DOCK4: variants seen among roughly 807,000 people sequenced by gnomAD.
DOCK4 encodes the protein dedicator of cytokinesis 4.
In DOCK4, 97 loss-of-function variants were observed where a neutral mutation model predicts 268.1. The observed-to-expected ratio is 0.36, with a 90% CI of 0.31 to 0.43. The LOEUF (loss-of-function observed/expected upper bound fraction) is 0.43. Ranked by LOEUF, DOCK4 falls within the 20% of genes least tolerant of loss-of-function variation. The pLI, the probability that DOCK4 is intolerant of heterozygous loss-of-function variation, is 1.00. For missense variants in DOCK4, 2,145 were observed against 2,455.7 expected (o/e 0.87, Z 2.67); for synonymous variants, 954 against 887.2 (o/e 1.08, Z -1.34).
At chr7:111,955,228 T>C (rs1471753546) in intron 8 of DOCK4, among the ~76,000 whole-genome samples, 1 of 152,240 alleles carries the variant, frequency 6.6e-6, no homozygotes, top group African/African-American at 2.4e-5. Flanking sequence ...ATTAATGTGC[T>C]TTCTAATTTT....
intron 26 of DOCK4, among the ~76,000 whole-genome samples, chr7:111,827,290 T>C (rs1408345260): frequency 6.6e-6 from 1 of 152,226 alleles, no homozygotes; most frequent in Admixed American, 6.5e-5. Context: ...TAACCATTTT[T>C]CTGTAATCAA....
At chr7:111,988,426 T>C (rs530682153) in intron 6 of DOCK4, among the ~76,000 whole-genome samples, 2 of 152,330 alleles carry the variant, frequency 1.3e-5, no homozygotes, top group Middle Eastern at 3.4e-3. Flanking sequence ...GCTGGTATTT[T>C]AAATTAGTCA....
intron 1 of DOCK4, among the ~76,000 whole-genome samples, chr7:112,153,678 C>T (rs779085977): frequency 9.2e-5 from 14 of 152,090 alleles, no homozygotes; most frequent in Non-Finnish European, 1.3e-4. Context: ...GGAACCAACC[C>T]ATTATTTATA....
intron 1 of DOCK4, among the ~76,000 whole-genome samples, chr7:112,058,515 G>A (rs913569090): frequency 1.3e-5 from 2 of 152,114 alleles, no homozygotes; most frequent in African/African-American, 4.8e-5. Context: ...TCTTCTGAAT[G>A]GGGCTTCCAT....
At chr7:111,826,476 T>C (rs572832711) in intron 26 of DOCK4, among the ~76,000 whole-genome samples, 1 of 152,206 alleles carries the variant, frequency 6.6e-6, no homozygotes, top group African/African-American at 2.4e-5. Context: ...TATGATACTA[T>C]GATATTAAGA....
intron 16 of DOCK4, among the ~76,000 whole-genome samples, chr7:111,891,100 C>T (rs979137742): frequency 2.0e-5 from 3 of 151,978 alleles, no homozygotes; most frequent in Non-Finnish European, 4.4e-5. Flanking sequence ...GAAGAATGGT[C>T]TTCACTTACA....
At chr7:112,135,027 A>T (rs1055086355) in intron 1 of DOCK4, among the ~76,000 whole-genome samples, 4 of 152,292 alleles carry the variant, frequency 2.6e-5, no homozygotes, top group Non-Finnish European at 5.9e-5. Context: ...ATACACCAAA[A>T]AAAACCCCAC....
intron 22 of DOCK4, among the ~76,000 whole-genome samples, chr7:111,864,012 G>C (rs1805768542): frequency 6.6e-6 from 1 of 152,100 alleles, no homozygotes; most frequent in South Asian, 2.1e-4. Flanking sequence ...TCTGATTTAA[G>C]AAAAAACACA....
intron 23 of DOCK4, among the ~76,000 whole-genome samples, chr7:111,857,962 C>T (rs981787932): frequency 6.6e-6 from 1 of 152,094 alleles, no homozygotes; most frequent in Non-Finnish European, 1.5e-5. Context: ...CACCTGGATC[C>T]CAGATTATTT....
At chr7:111,942,183 A>C (rs1274336706) in intron 10 of DOCK4, among the ~76,000 whole-genome samples, 1 of 152,138 alleles carries the variant, frequency 6.6e-6, no homozygotes, top group Non-Finnish European at 1.5e-5. Flanking sequence ...GTCAAAAGGG[A>C]GGCATAGAGG....
At chr7:112,204,662 C>G (rs568415064) in intron 1 of DOCK4, among the ~76,000 whole-genome samples, 1 of 151,910 alleles carries the variant, frequency 6.6e-6, no homozygotes, top group African/African-American at 2.4e-5. Context: ...TGGAAGCTAA[C>G]GTGAAATGTG....
chr7:111,813,540 C>T (rs1173097918), intron 27 of DOCK4, among the ~76,000 whole-genome samples: 2 of 152,140 alleles, frequency 1.3e-5, no homozygotes, highest in African/African-American at 4.8e-5. Flanking sequence ...ATTCGCTCTA[C>T]CATGAACAGG....
chr7:112,085,709 A>G (rs550833885), intron 1 of DOCK4, among the ~76,000 whole-genome samples: 1 of 152,274 alleles, frequency 6.6e-6, no homozygotes, highest in Admixed American at 6.5e-5. Flanking sequence ...GTGATCATCA[A>G]TGGATGCTAA....
rs74976680 is a variant in DOCK4 at position 111,852,271 on chromosome 7, C to T, written c.2474-5145G>A. Reference sequence around the variant, plus strand: ...GAGCCACCATACTCAGCCGGAGTCTCCTATTTCTTTTGATGCCTGCCACTG... The same window carrying T: ...GAGCCACCATACTCAGCCGGAGTCTTCTATTTCTTTTGATGCCTGCCACTG... On this transcript the variant is annotated intron_variant, in intron 23 of 52. Coordinates refer to ENST00000428084, the MANE Select transcript of DOCK4 (RefSeq NM_001363540.2). Among the ~76,000 whole-genome samples the T allele has an allele frequency of 9.8e-3, 1,485 of 152,212 alleles. 26 individuals carry two copies. The highest frequency in any genetic ancestry group is 0.034 in the African/African-American group (1,406 of 41,538).
chr7:111,808,687 T>C (rs540632568), intron 30 of DOCK4, 134 bp downstream of exon 30: 1 of 865,068 alleles, frequency 1.2e-6, no homozygotes, highest in Non-Finnish European at 1.8e-6. Context: ...TGTCAATTAC[T>C]TTCTATAGAT....
rs554996664 is a variant in DOCK4, at chr7:112,004,749, C to T, written c.38-618G>A. 1.9e-4 allele frequency among the ~76,000 whole-genome samples: 29 copies of T among 152,270 alleles called. No homozygotes were observed. The Middle Eastern group carries it at 0.01, about 54-fold the overall frequency. ...TTATTTAGTAATGACTGGGCCCTCC[C>T]GCAGGTCTAAACACACAGCCACCAC... On this transcript the variant is annotated intron_variant, in intron 1 of 52. Coordinates refer to ENST00000428084, the MANE Select transcript of DOCK4 (RefSeq NM_001363540.2).
intron 2 of DOCK4, among the ~76,000 whole-genome samples, chr7:112,003,071 CAGAAAAAA>C (rs1285453762): frequency 1.7e-3 from 235 of 141,770 alleles, no homozygotes; most frequent in African/African-American, 5.1e-3. Flanking sequence ...AAAAAGGAAA[CAGAAAAAA>C]AGAAAAAAAG....
At chr7:112,174,790 C>T (rs535704983) in intron 1 of DOCK4, among the ~76,000 whole-genome samples, 1 of 152,214 alleles carries the variant, frequency 6.6e-6, no homozygotes, top group African/African-American at 2.4e-5. Flanking sequence ...CCATATTCTA[C>T]TCCCAGATGA....
chr7:112,178,244 A>G (rs1197957963), intron 1 of DOCK4, among the ~76,000 whole-genome samples: 1 of 152,222 alleles, frequency 6.6e-6, no homozygotes. Context: ...CTTTGGCTGT[A>G]TCACTCATTT....
Sources: gnomAD v4.1 joint callset for allele counts (sites outside exome capture counted in the v4.1 genomes callset) on GRCh38, gnomAD v4.1.1 for gene constraint, MANE v1.5 for transcripts, NCBI Gene and HGNC (gene_info 2026-07-23, HGNC 2026-07-21) for gene names.